The following NRXN3 variants were observed in gnomAD, a reference collection of about 807,000 sequenced individuals.
The protein encoded by NRXN3 is neurexin 3.
A neutral mutation model predicts 137.6 loss-of-function variants in NRXN3; 32 were observed. The observed-to-expected ratio is 0.23, with a 90% CI of 0.18 to 0.31. NRXN3 has a LOEUF of 0.31. NRXN3 is among the 10% of genes least tolerant of loss of function. The pLI, the probability that NRXN3 is intolerant of heterozygous loss-of-function variation, is 1.00. For missense variants in NRXN3, 1,574 were observed against 2,062.5 expected (o/e 0.76, Z 4.59); for synonymous variants, 798 against 784.5 (o/e 1.02, Z -0.29).
At chr14:78,336,732 G>A (rs1275899070) in intron 4 of NRXN3, among the ~76,000 whole-genome samples, 1 of 152,106 alleles carries the variant, frequency 6.6e-6, no homozygotes, top group African/African-American at 2.4e-5. Context: ...TCAGCTCCCA[G>A]CATGTTCAAA....
At chr14:78,390,550 G>A (rs972946045) in intron 4 of NRXN3, among the ~76,000 whole-genome samples, 5 of 152,144 alleles carry the variant, frequency 3.3e-5, no homozygotes, top group African/African-American at 4.8e-5. Flanking sequence ...TATTAGTAAG[G>A]AGAAAGTCAA....
intron 6 of NRXN3, among the ~76,000 whole-genome samples, chr14:78,688,961 A>G (rs763682308): frequency 5.9e-5 from 9 of 152,098 alleles, no homozygotes; most frequent in African/African-American, 2.2e-4. Context: ...GTTTTTCTTC[A>G]CTTTCTATGT....
intron 2 of NRXN3, among the ~76,000 whole-genome samples, chr14:78,260,755 C>A (rs1377134094): frequency 6.6e-6 from 1 of 152,162 alleles, no homozygotes; most frequent in Non-Finnish European, 1.5e-5. Flanking sequence ...ATGAGGCCTC[C>A]CCAGCCATGT....
At chr14:78,416,218 A>G (rs1265181452) in intron 4 of NRXN3, among the ~76,000 whole-genome samples, 2 of 152,132 alleles carry the variant, frequency 1.3e-5, no homozygotes, top group African/African-American at 4.8e-5. Context: ...AGGTGATTTT[A>G]TGAGAAGTTT....
At chr14:79,306,848 T>C (rs1016156723) in intron 15 of NRXN3, among the ~76,000 whole-genome samples, 1 of 152,100 alleles carries the variant, frequency 6.6e-6, no homozygotes, top group South Asian at 2.1e-4. Context: ...CCTCACCACA[T>C]GGGCGATTGT....
At chr14:78,540,600 G>A (rs1172679471) in intron 4 of NRXN3, among the ~76,000 whole-genome samples, 2 of 152,018 alleles carry the variant, frequency 1.3e-5, no homozygotes, top group African/African-American at 4.8e-5. Flanking sequence ...TTAATTGGGG[G>A]CATTTAGCCC....
intron 19 of NRXN3, among the ~76,000 whole-genome samples, chr14:79,789,769 A>G (rs2099139650): frequency 6.6e-6 from 1 of 152,200 alleles, no homozygotes; most frequent in African/African-American, 2.4e-5. Flanking sequence ...AACCCGCTTT[A>G]TCAGCAGGGT....
At chr14:79,204,983 C>T (rs1160896284) in intron 15 of NRXN3, among the ~76,000 whole-genome samples, 1 of 152,120 alleles carries the variant, frequency 6.6e-6, no homozygotes, top group African/African-American at 2.4e-5. Flanking sequence ...AAGAGCATTA[C>T]CAACTGAGAT....
At chr14:79,670,966 G>A (rs1210825419) in intron 17 of NRXN3, among the ~76,000 whole-genome samples, 2 of 152,130 alleles carry the variant, frequency 1.3e-5, no homozygotes, top group Non-Finnish European at 2.9e-5. Flanking sequence ...GTTCCAAAGT[G>A]AGGGACATGT....
chr14:79,273,743 C>T (rs2079796925), intron 15 of NRXN3, among the ~76,000 whole-genome samples: 1 of 151,936 alleles, frequency 6.6e-6, no homozygotes, highest in African/African-American at 2.4e-5. Context: ...TGACAACAAA[C>T]CTATTAGATA....
chr14:78,292,648 T>G (rs528968826), intron 3 of NRXN3, among the ~76,000 whole-genome samples: 1 of 152,364 alleles, frequency 6.6e-6, no homozygotes, highest in East Asian at 1.9e-4. Context: ...GAATTTGACA[T>G]TGGCAATTCT....
chr14:78,825,661 G>A (rs921012986), intron 10 of NRXN3, among the ~76,000 whole-genome samples: 2 of 152,202 alleles, frequency 1.3e-5, no homozygotes, highest in Non-Finnish European at 2.9e-5. Context: ...AGGCCTCCTG[G>A]GCACTTGTCT....
At chr14:79,195,485 T>G (rs2065015201) in intron 15 of NRXN3, among the ~76,000 whole-genome samples, 1 of 152,214 alleles carries the variant, frequency 6.6e-6, no homozygotes, top group South Asian at 2.1e-4. Context: ...TCCAGCTTAA[T>G]GTTTTTCCAA....
chr14:79,392,074 A>G (rs868749272), intron 15 of NRXN3, among the ~76,000 whole-genome samples: 6 of 152,182 alleles, frequency 3.9e-5, no homozygotes, highest in Middle Eastern at 3.4e-3. Flanking sequence ...TACATGTGCC[A>G]TGGTGGTTTG....
intron 10 of NRXN3, among the ~76,000 whole-genome samples, chr14:78,856,795 G>A (rs1254785552): frequency 3.3e-5 from 5 of 152,150 alleles, no homozygotes; most frequent in South Asian, 2.1e-4. Flanking sequence ...GTGCAATGGT[G>A]TGATCTTGGC....
At chr14:79,702,134 G>T (rs1325298976) in intron 19 of NRXN3, among the ~76,000 whole-genome samples, 1 of 151,926 alleles carries the variant, frequency 6.6e-6, no homozygotes, top group Admixed American at 6.6e-5. Context: ...ATTAGTCCTG[G>T]CAAATCAAAA....
intron 8 of NRXN3, among the ~76,000 whole-genome samples, chr14:78,794,772 A>G (rs553520470): frequency 2.6e-5 from 4 of 152,110 alleles, no homozygotes; most frequent in South Asian, 2.1e-4. Context: ...AACATGTACT[A>G]TTTAACAAAA....
At chr14:78,416,915 G>T (rs575945369) in intron 4 of NRXN3, among the ~76,000 whole-genome samples, 1 of 152,328 alleles carries the variant, frequency 6.6e-6, no homozygotes, top group African/African-American at 2.4e-5. Context: ...TCTATTAGGT[G>T]AATGACAAGT....
chr14:79,516,965 A>G (rs1218416244), intron 16 of NRXN3, among the ~76,000 whole-genome samples: 1 of 152,030 alleles, frequency 6.6e-6, no homozygotes, highest in Non-Finnish European at 1.5e-5. Flanking sequence ...TTTTTTACGC[A>G]TGTTTGAGAG....
Sources: allele counts gnomAD v4.1 joint callset (sites outside exome capture counted in the v4.1 genomes callset), GRCh38; gene constraint gnomAD v4.1.1; transcripts MANE v1.5; gene names NCBI Gene and HGNC (gene_info 2026-07-23, HGNC 2026-07-21).